SAAL1: variants seen among roughly 807,000 people sequenced by gnomAD.
SAAL1 encodes serum amyloid A like 1.
Under a neutral mutation model 59.8 loss-of-function variants are expected in SAAL1, and 42 were observed. The observed-to-expected ratio is 0.70, with a 90% CI of 0.55 to 0.91. The LOEUF (loss-of-function observed/expected upper bound fraction) is 0.91. Ranked by LOEUF, SAAL1 falls within the 40% of genes least tolerant of loss-of-function variation. The probability of loss-of-function intolerance (pLI) is 0.00; values close to 1 mark genes in which losing one functional copy is unlikely to be tolerated. For missense variants in SAAL1, 542 were observed against 561.1 expected, an observed-to-expected ratio of 0.97 and a Z score of 0.34; for synonymous variants, 191 against 194.3, an observed-to-expected ratio of 0.98 and a Z score of 0.14.
chr11:18,083,457 TA>T lies in SAAL1; in HGVS notation c.1239+77del, dbSNP rs564689403. 2.0e-3 allele frequency: 1,478 copies of T among 734,448 alleles called. 3 individuals are homozygous for T. The highest frequency in any genetic ancestry group is 1.9e-3 in the Middle Eastern group (5 of 2,596). 45.5% of individuals were successfully genotyped at this position (734,448 alleles called of 1,614,324 possible). ...CCAAATTATATATTACTTTCATATT[TA>T]AAAAAAAATAAAGTTTGAAGCGTTA... is the stretch of plus-strand genomic sequence containing the variant. On this transcript the variant is annotated intron_variant, in intron 10 of 11. Coordinates refer to ENST00000524803, the MANE Select transcript of SAAL1 (RefSeq NM_138421.3).
intron 3 of SAAL1, among the ~76,000 whole-genome samples, chr11:18,094,308 T>G: frequency 6.6e-6 from 1 of 152,284 alleles, no homozygotes; most frequent in Middle Eastern, 3.4e-3. Flanking sequence ...GAAAATACAG[T>G]GTCCTCAAGA....
intron 2 of SAAL1, 22 bp downstream of exon 2, chr11:18,103,211 A>C: frequency 6.8e-7 from 1 of 1,476,986 alleles, no homozygotes; most frequent in Non-Finnish European, 9.5e-7. Flanking sequence ...CAGTCTTCAG[A>C]GTTTTGTTTC....
At chr11:18,081,548 A>G in intron 10 of SAAL1, 45 bp from the exon 11 acceptor site, 1 of 1,421,588 alleles carries the variant, frequency 7.0e-7, no homozygotes, top group African/African-American at 1.4e-5. Flanking sequence ...AAAATTTTTC[A>G]AGCTTTAACT....
At chr11:18,082,234 G>A (rs568779369) in intron 10 of SAAL1, among the ~76,000 whole-genome samples, 7 of 152,064 alleles carry the variant, frequency 4.6e-5, no homozygotes, top group Non-Finnish European at 8.8e-5. Flanking sequence ...ATATGGAAAA[G>A]ATACATTATT....
chr11:18,099,748 A>C (rs909002141), intron 2 of SAAL1, among the ~76,000 whole-genome samples: 1 of 152,194 alleles, frequency 6.6e-6, no homozygotes, highest in Non-Finnish European at 1.5e-5. Context: ...ATAAACAATG[A>C]GAAGGATTTT....
intron 7 of SAAL1, 126 bp from the exon 8 acceptor site, chr11:18,087,351 G>A: frequency 5.1e-6 from 3 of 592,952 alleles, no homozygotes; most frequent in Admixed American, 3.1e-5. Flanking sequence ...GATAAAACAA[G>A]GAAAGGAACG....
Position 18,081,763 on chromosome 11 carries a change from C to T in SAAL1, c.1240-260G>A, listed in dbSNP as rs1462817910. 18 of 394,212 alleles carry T rather than the reference C, an allele frequency of 4.6e-5. No individual in the cohort carries two copies. In the Admixed American group the frequency reaches 6.8e-4, roughly 15 times the overall value. The allele number at this position is 394,212 out of a possible 1,614,324, so 24.4% of individuals were successfully genotyped here. ...AACACAGCCAAGACTTTTCCTTCTC[C>T]CCTCCTGCTGACTCCTCCCGGCAAG... On this transcript the variant is annotated intron_variant, in intron 10 of 11. Transcript: ENST00000524803.
At chr11:18,096,940 A>T in intron 2 of SAAL1, 86 bp from the exon 3 acceptor site, 2 of 759,924 alleles carry the variant, frequency 2.6e-6, no homozygotes, top group Non-Finnish European at 4.4e-6. Flanking sequence ...TTCTATATTA[A>T]AATTAGAATT....
At position 18,086,908 on chromosome 11, in the gene SAAL1, A is replaced by G. The variant is rs1167852140; in HGVS notation, c.1000T>C (p.Tyr334His). The change falls in exon 9 of 12, where the codon TAT becomes CAT. Residue 334 changes from tyrosine to histidine, a missense_variant. By Grantham distance (83) the Tyr-to-His change is moderately conservative (BLOSUM62 2). Transcript: ENST00000524803. ...TACTCTTGCTCAGTCTGTGAGGCAT[A>G]GATGGCAGACAACACTGAAAAAACA... is the stretch of plus-strand genomic sequence containing the variant. ...ASVFSVLSAIYASQTEQEYLK... is the reference protein window; with the variant it reads ...ASVFSVLSAIHASQTEQEYLK... 1 of 1,614,108 alleles carries G rather than the reference A, an allele frequency of 6.2e-7. No homozygotes were observed. Among genetic ancestry groups the G allele is most frequent in the South Asian group, 1.1e-5 (1 of 91,076 alleles).
intron 1 of SAAL1, among the ~76,000 whole-genome samples, chr11:18,105,173 G>GT (rs1182942994): frequency 2.0e-5 from 3 of 151,754 alleles, no homozygotes; most frequent in African/African-American, 4.8e-5. Context: ...AGGAAGCTGC[G>GT]TTTTTTGTTT....
chr11:18,102,299 C>T (rs12365751), intron 2 of SAAL1, among the ~76,000 whole-genome samples: 3 of 151,272 alleles, frequency 2.0e-5, no homozygotes, highest in Non-Finnish European at 2.9e-5. Flanking sequence ...CTACTCTGGA[C>T]GCTATGGCAG....
chr11:18,095,386 G>A (rs77257216), intron 3 of SAAL1, among the ~76,000 whole-genome samples: 8,008 of 152,120 alleles, frequency 0.053, 686 homozygotes, highest in African/African-American at 0.18. Flanking sequence ...AGGAAAAAAC[G>A]GTTAATCAGG....
chr11:18,095,866 A>G (rs1033364297), intron 3 of SAAL1, among the ~76,000 whole-genome samples: 3 of 152,208 alleles, frequency 2.0e-5, no homozygotes, highest in Non-Finnish European at 4.4e-5. Flanking sequence ...AAGGAAAAGT[A>G]CCACTGTGAA....
At chr11:18,087,667 C>G (rs182623984) in intron 7 of SAAL1, among the ~76,000 whole-genome samples, 1 of 152,304 alleles carries the variant, frequency 6.6e-6, no homozygotes, top group Non-Finnish European at 1.5e-5. Flanking sequence ...TAGCTGAGAA[C>G]ACTAAAACCA....
intron 3 of SAAL1, among the ~76,000 whole-genome samples, chr11:18,094,853 G>A (rs1848556083): frequency 6.6e-6 from 1 of 152,066 alleles, no homozygotes; most frequent in Non-Finnish European, 1.5e-5. Flanking sequence ...AACTAAAGAG[G>A]GAATAACTGA....
rs376707927 is a variant in SAAL1, at chr11:18,089,554, A to T, written c.590-44T>A. On this transcript the variant is annotated intron_variant, in intron 6 of 11. Coordinates refer to ENST00000524803, the MANE Select transcript of SAAL1 (RefSeq NM_138421.3). ...ATATTGAAATGAAAAACAAACTGCT[A>T]AAAGCAATAGGGTTAAGCAAAATTC... 1.9e-5 allele frequency: 30 copies of T among 1,562,990 alleles called. No individual in the cohort carries two copies. In the East Asian group the frequency reaches 5.8e-4, roughly 30 times the overall value.
chr11:18,092,735 G>A (rs148846833), intron 3 of SAAL1, among the ~76,000 whole-genome samples: 1 of 152,250 alleles, frequency 6.6e-6, no homozygotes, highest in East Asian at 1.9e-4. Context: ...AACAGCATGA[G>A]GTAAATACTG....
intron 4 of SAAL1, chr11:18,091,063 T>C (rs1346419772): frequency 1.3e-5 from 2 of 152,260 alleles, no homozygotes; most frequent in African/African-American, 2.4e-5. Context: ...AATAACACAA[T>C]TTATTTTTCC....
chr11:18,102,060 T>C (rs1848639648), intron 2 of SAAL1, among the ~76,000 whole-genome samples: 1 of 152,148 alleles, frequency 6.6e-6, no homozygotes, highest in Non-Finnish European at 1.5e-5. Flanking sequence ...GTGATGGGTA[T>C]GCGCTGTATC....
Sources: allele counts gnomAD v4.1 joint callset (sites outside exome capture counted in the v4.1 genomes callset), GRCh38; gene constraint gnomAD v4.1.1; transcripts MANE v1.5; gene names NCBI Gene and HGNC (gene_info 2026-07-23, HGNC 2026-07-21).